The following AVEN variants were observed in gnomAD, a reference collection of about 807,000 sequenced individuals.
AVEN encodes cell death regulator Aven.
In AVEN, 41 loss-of-function variants were observed where a neutral mutation model predicts 38.1. The observed-to-expected ratio is 1.08, with a 90% confidence interval of 0.84 to 1.40. The LOEUF is 1.40. AVEN is among the 40% of genes most tolerant of loss of function. The pLI is 0.00. For synonymous variants in AVEN, 206 were observed against 171.8 expected, an observed-to-expected ratio of 1.20 and a Z score of -1.56; for missense variants, 605 against 438.8, an observed-to-expected ratio of 1.38 and a Z score of -3.38.
chr15:33,967,288 A>C (rs1895426663), intron 2 of AVEN, among the ~76,000 whole-genome samples: 1 of 152,072 alleles, frequency 6.6e-6, no homozygotes, highest in Admixed American at 6.6e-5. Flanking sequence ...CTGGATTCTC[A>C]CTCAGAAAAA....
At chr15:33,895,080 G>C (rs900296844) in intron 2 of AVEN, among the ~76,000 whole-genome samples, 44 of 151,946 alleles carry the variant, frequency 2.9e-4, no homozygotes, top group African/African-American at 1.0e-3. Flanking sequence ...CTAGTGCTTA[G>C]TGTCATAGCT....
At chr15:34,042,438 T>G (rs931579864), upstream of AVEN, among the ~76,000 whole-genome samples, 1 of 150,656 alleles carries the variant, frequency 6.6e-6, no homozygotes, top group East Asian at 2.0e-4. Flanking sequence ...TTCGCACTTG[T>G]TGCCCAGGCT....
At chr15:33,881,055 T>C (rs910660771) in intron 2 of AVEN, among the ~76,000 whole-genome samples, 20 of 152,212 alleles carry the variant, frequency 1.3e-4, no homozygotes, top group Non-Finnish European at 2.9e-4. Context: ...TTAAAAATCC[T>C]TACAGATAAA....
chr15:34,055,024 C>T (rs2140834123), intron 5 of AVEN, among the ~76,000 whole-genome samples: 1 of 151,992 alleles, frequency 6.6e-6, no homozygotes, highest in East Asian at 1.9e-4. Flanking sequence ...GAAACCCCAT[C>T]TCTACTAAAA....
At chr15:33,860,541 C>G (rs1597105469) in intron 11 of AVEN, 3 of 1,065,512 alleles carry the variant, frequency 2.8e-6, no homozygotes, top group Non-Finnish European at 2.7e-6. Context: ...TTTATCATTC[C>G]TCTACCCCTG....
intron 2 of AVEN, chr15:33,883,740 T>C (rs773107586): frequency 2.0e-5 from 3 of 152,244 alleles, no homozygotes; most frequent in Non-Finnish European, 4.4e-5. Context: ...AATCATCCTT[T>C]GTAAACAACA....
rs182851842 is a variant in AVEN, at chr15:33,997,759, T to G, written c.445+5273A>C. Among the ~76,000 whole-genome samples the G allele has an allele frequency of 7.2e-5, 11 of 152,302 alleles. No individual in the cohort carries two copies. In the East Asian group the frequency reaches 2.1e-3, roughly 29 times the overall value. On this transcript the variant is annotated intron_variant, in intron 2 of 5. Transcript: ENST00000306730. ...ATCATTCTAATCATCTCCTTTTCCC[T>G]CTCTCATTTCATTGCATTTGCTCTG...
rs115726762 is a variant in AVEN, at chr15:33,884,275, G to T, written c.446-8280C>A. 3.9e-5 allele frequency among the ~76,000 whole-genome samples: 6 copies of T among 152,228 alleles called. No individual in the cohort carries two copies. The South Asian group carries it at 1.2e-3, about 32-fold the overall frequency. ...AATGCTCAGGAAATATTTTATGATA[G>T]TTGACATACTAATATTTGATTTGTT... On this transcript the variant is annotated intron_variant, in intron 2 of 5. Transcript: ENST00000306730.
At chr15:33,927,923 C>T (rs1388949314) in intron 2 of AVEN, among the ~76,000 whole-genome samples, 2 of 152,088 alleles carry the variant, frequency 1.3e-5, no homozygotes, top group Non-Finnish European at 2.9e-5. Flanking sequence ...CTGGAATATT[C>T]CCACTGCCCA....
At chr15:33,854,227 C>G (rs528549831), downstream of AVEN, among the ~76,000 whole-genome samples, 7 of 151,336 alleles carry the variant, frequency 4.6e-5, no homozygotes, top group East Asian at 1.4e-3. Flanking sequence ...CTATGTGATT[C>G]AACTGTTCTC....
chr15:33,990,908 A>G (rs1265721510), intron 2 of AVEN: 1 of 152,252 alleles, frequency 6.6e-6, no homozygotes, highest in Non-Finnish European at 1.5e-5. Flanking sequence ...TGAACAAATC[A>G]AAGGCAGAAC....
intron 2 of AVEN, among the ~76,000 whole-genome samples, chr15:33,893,984 C>T (rs1892099785): frequency 7.1e-6 from 1 of 141,472 alleles, no homozygotes; most frequent in East Asian, 2.1e-4. Flanking sequence ...GAGTCTAGCT[C>T]TGTTGCCCAG....
At chr15:33,968,743 T>C (rs1895497374) in intron 2 of AVEN, 2 of 152,148 alleles carry the variant, frequency 1.3e-5, no homozygotes, top group Non-Finnish European at 2.9e-5. Context: ...TTAAAGCAGC[T>C]TGATTTGGAA....
chr15:33,876,171 A>G (rs1191104617), intron 2 of AVEN, among the ~76,000 whole-genome samples, 176 bp from the exon 3 acceptor site: 1 of 151,662 alleles, frequency 6.6e-6, no homozygotes, highest in Non-Finnish European at 1.5e-5. Context: ...AAACACACAG[A>G]TGACAATGTT....
downstream of AVEN, chr15:33,857,910 T>G: frequency 6.2e-7 from 1 of 1,614,060 alleles, no homozygotes; most frequent in Non-Finnish European, 8.5e-7. Context: ...GACGACATGA[T>G]GACGGTGAGA....
downstream of AVEN, chr15:33,864,947 G>C (rs933698491): frequency 1.8e-6 from 1 of 543,970 alleles, no homozygotes; most frequent in Non-Finnish European, 3.3e-6. Flanking sequence ...ATGTGTCAGA[G>C]AGACATGGCT....
downstream of AVEN, chr15:33,854,641 T>C (rs2079455168): frequency 9.3e-6 from 12 of 1,291,506 alleles, 1 homozygote; most frequent in South Asian, 1.7e-4. Context: ...TTGGGCCAGC[T>C]CACAGCACCT....
At chr15:33,994,816 G>A (rs535951584) in intron 2 of AVEN, among the ~76,000 whole-genome samples, 3 of 152,198 alleles carry the variant, frequency 2.0e-5, no homozygotes, top group African/African-American at 7.2e-5. Flanking sequence ...AGATAAAGGT[G>A]TACTCTTAGA....
intron 2 of AVEN, among the ~76,000 whole-genome samples, chr15:33,912,484 T>C (rs1892952887): frequency 6.6e-6 from 1 of 152,240 alleles, no homozygotes; most frequent in African/African-American, 2.4e-5. Flanking sequence ...ATAAAGTTAC[T>C]ACCTATAATG....
Sources: gnomAD v4.1 joint callset for allele counts (sites outside exome capture counted in the v4.1 genomes callset) on GRCh38, gnomAD v4.1.1 for gene constraint, MANE v1.5 for transcripts, NCBI Gene and HGNC (gene_info 2026-07-23, HGNC 2026-07-21) for gene names.